CC2D2B: variants seen among roughly 807,000 people sequenced by gnomAD.
CC2D2B encodes the protein coiled-coil and C2 domain containing 2B.
A neutral mutation model predicts 161.2 loss-of-function variants in CC2D2B; 128 were observed. That is an observed-to-expected ratio of 0.79 (90% CI 0.69 to 0.92). The LOEUF is 0.92. Ranked by LOEUF, CC2D2B falls within the 40% of genes least tolerant of loss-of-function variation. The probability of loss-of-function intolerance (pLI) is 0.00; values close to 1 mark genes in which losing one functional copy is unlikely to be tolerated. For missense variants in CC2D2B, 1,173 were observed against 1,375.1 expected (o/e 0.85, Z 2.32); for synonymous variants, 391 against 449.8 (o/e 0.87, Z 1.65).
intron 3 of CC2D2B, among the ~76,000 whole-genome samples, chr10:95,922,666 G>A (rs2098529689): frequency 6.6e-6 from 1 of 152,132 alleles, no homozygotes. Flanking sequence ...AAAAAGCAAG[G>A]CAAAGTGATC....
chr10:95,919,623 C>T (rs2098522735), intron 2 of CC2D2B: 1 of 152,138 alleles, frequency 6.6e-6, no homozygotes, highest in South Asian at 2.1e-4. Flanking sequence ...TCACCCAAGG[C>T]CTGTTGGTGA....
intron 9 of CC2D2B, among the ~76,000 whole-genome samples, chr10:95,947,111 A>ATT (rs1190951352): frequency 3.7e-4 from 15 of 40,724 alleles, no homozygotes; most frequent in East Asian, 2.3e-3. Flanking sequence ...ATATATATAT[A>ATT]TATTTTTTTT....
chr10:95,997,497 C>A (rs942719070), intron 24 of CC2D2B, among the ~76,000 whole-genome samples: 2 of 152,042 alleles, frequency 1.3e-5, no homozygotes, highest in Non-Finnish European at 2.9e-5. Flanking sequence ...AAGTGATTCT[C>A]CTGCCTCAGC....
At chr10:95,978,023 G>A (rs546567667) in intron 17 of CC2D2B, among the ~76,000 whole-genome samples, 2 of 152,148 alleles carry the variant, frequency 1.3e-5, no homozygotes, top group East Asian at 1.9e-4. Flanking sequence ...AGTACCGTGA[G>A]TATACGTAAT....
At chr10:96,018,736 CT>C (rs34183558) in intron 30 of CC2D2B, 63,223 of 143,858 alleles carry the variant, frequency 0.44, 13,852 homozygotes, top group Admixed American at 0.56. Context: ...CTTTTTCTTT[CT>C]TTTTTTTTTT....
chr10:96,027,137 A>T, intron 33 of CC2D2B, 75 bp from the exon 34 acceptor site: 1 of 1,125,580 alleles, frequency 8.9e-7, no homozygotes, highest in Non-Finnish European at 1.2e-6. Context: ...AAAAAAAAAA[A>T]GTCACAAAAC....
At chr10:95,922,797 C>CT (rs965845142) in intron 3 of CC2D2B, among the ~76,000 whole-genome samples, 66 of 149,426 alleles carry the variant, frequency 4.4e-4, no homozygotes, top group African/African-American at 1.4e-3. Context: ...GGGCTTGAGA[C>CT]TTTTTTTTTT....
chr10:95,994,984 G>T (rs533400425), intron 22 of CC2D2B, among the ~76,000 whole-genome samples: 1 of 152,062 alleles, frequency 6.6e-6, no homozygotes. Context: ...GACATCCATC[G>T]TGAATAACTT....
At chr10:96,003,145 C>A (rs1171917465) in intron 24 of CC2D2B, among the ~76,000 whole-genome samples, 1 of 151,694 alleles carries the variant, frequency 6.6e-6, no homozygotes, top group East Asian at 1.9e-4. Context: ...AGTTATTTAA[C>A]TTCTGTGAGC....
chr10:95,929,555 C>G (rs1239022104), intron 6 of CC2D2B, among the ~76,000 whole-genome samples: 1 of 152,106 alleles, frequency 6.6e-6, no homozygotes, highest in East Asian at 1.9e-4. Context: ...TTTAATCCAT[C>G]TCGAGTTAAT....
intron 26 of CC2D2B, among the ~76,000 whole-genome samples, chr10:96,011,965 CTACATAG>C (rs908234811): frequency 1.3e-5 from 2 of 152,126 alleles, no homozygotes; most frequent in African/African-American, 2.4e-5. Flanking sequence ...CCTACCCTCT[CTACATAG>C]TACATATTAG....
At chr10:95,998,270 A>G (rs1387575797) in intron 24 of CC2D2B, among the ~76,000 whole-genome samples, 1 of 152,144 alleles carries the variant, frequency 6.6e-6, no homozygotes, top group African/African-American at 2.4e-5. Flanking sequence ...ATACATCACT[A>G]TCAACCATAG....
intron 19 of CC2D2B, among the ~76,000 whole-genome samples, chr10:95,986,223 A>G (rs373611448): frequency 6.7e-6 from 1 of 148,484 alleles, no homozygotes; most frequent in East Asian, 2.0e-4. Flanking sequence ...GGAACCTGCC[A>G]ACATGAGATG....
intron 9 of CC2D2B, among the ~76,000 whole-genome samples, chr10:95,940,268 C>A (rs999477635): frequency 6.6e-6 from 1 of 152,142 alleles, no homozygotes; most frequent in African/African-American, 2.4e-5. Context: ...CCCCATGATC[C>A]AATCACTTTG....
At chr10:95,969,901 T>C (rs1472230612) in intron 15 of CC2D2B, among the ~76,000 whole-genome samples, 2 of 152,170 alleles carry the variant, frequency 1.3e-5, no homozygotes, top group Non-Finnish European at 1.5e-5. Flanking sequence ...TCACTTAGCA[T>C]ATGAGCCTAA....
intron 34 of CC2D2B, among the ~76,000 whole-genome samples, chr10:96,029,282 ATATGTATATATATATATATATATG>A (rs2079948438): frequency 1.9e-5 from 1 of 53,270 alleles, no homozygotes; most frequent in Non-Finnish European, 3.6e-5. Flanking sequence ...ATATATATAT[ATATGTATATATATATATATATATG>A]TATATCTATA....
intron 19 of CC2D2B, among the ~76,000 whole-genome samples, chr10:95,986,206 G>A (rs1004124135): frequency 3.3e-5 from 5 of 149,978 alleles, no homozygotes; most frequent in African/African-American, 1.2e-4. Flanking sequence ...GGCTCGGGGG[G>A]CATCACGGAA....
chr10:96,026,349 T>C (rs867567598), intron 33 of CC2D2B, among the ~76,000 whole-genome samples: 1 of 152,144 alleles, frequency 6.6e-6, no homozygotes, highest in Non-Finnish European at 1.5e-5. Context: ...TGGATATATA[T>C]GGGTAACAAT....
At chr10:96,017,033 A>G (rs1431814408) in intron 30 of CC2D2B, among the ~76,000 whole-genome samples, 1 of 152,152 alleles carries the variant, frequency 6.6e-6, no homozygotes, top group Non-Finnish European at 1.5e-5. Context: ...TATGTTTCTA[A>G]TAAGTGTATT....
Sources: gnomAD v4.1 joint callset for allele counts (sites outside exome capture counted in the v4.1 genomes callset) on GRCh38, gnomAD v4.1.1 for gene constraint, MANE v1.5 for transcripts, NCBI Gene and HGNC (gene_info 2026-07-23, HGNC 2026-07-21) for gene names.